SIRPA: variants seen among roughly 807,000 people sequenced by gnomAD.
The protein encoded by SIRPA is tyrosine-protein phosphatase non-receptor type substrate 1.
In SIRPA, 9 loss-of-function variants were observed where a neutral mutation model predicts 50.3. The observed-to-expected ratio is 0.18, with a 90% CI of 0.11 to 0.31. The LOEUF (loss-of-function observed/expected upper bound fraction) is 0.31. Ranked by LOEUF, SIRPA falls within the 10% of genes least tolerant of loss-of-function variation. The pLI, the probability that SIRPA is intolerant of heterozygous loss-of-function variation, is 1.00. For synonymous variants in SIRPA, 265 were observed against 284.1 expected, an observed-to-expected ratio of 0.93 and a Z score of 0.68; for missense variants, 474 against 661.6, an observed-to-expected ratio of 0.72 and a Z score of 3.11.
At position 1,937,409 on chromosome 20, in the gene SIRPA, G is replaced by A; in HGVS notation, c.1356G>A (p.Glu452=). ...PQAAEPNNHT[E]YASIQTSPQP... ...CTGCGGAGCCCAACAACCACACGGA[G>A]TATGCCAGCATTCAGACCAGCCCGC... Residue 452 remains glutamate, a synonymous_variant, in exon 8 of 8, where the codon GAG becomes GAA. Transcript: ENST00000358771. The surrounding 1 kb of genome is among the most constrained non-coding windows in gnomAD (Gnocchi z 8.3). 6.2e-7 allele frequency: 1 copy of A among 1,614,166 alleles called. No homozygotes were observed. The highest frequency in any genetic ancestry group is 2.2e-5 in the East Asian group (1 of 44,862).
At chr20:1,902,307 CT>C (rs1984266882) in intron 1 of SIRPA, among the ~76,000 whole-genome samples, 1 of 152,054 alleles carries the variant, frequency 6.6e-6, no homozygotes, top group African/African-American at 2.4e-5. Context: ...CAGTATGGCC[CT>C]TCATCCCCAC....
chr20:1,923,216 G>A (rs1985773209), intron 4 of SIRPA, among the ~76,000 whole-genome samples: 1 of 152,216 alleles, frequency 6.6e-6, no homozygotes, highest in Non-Finnish European at 1.5e-5. Context: ...TAATGCTGTC[G>A]CTCCCCTGAG....
intron 1 of SIRPA, among the ~76,000 whole-genome samples, chr20:1,902,194 A>C (rs943206587): frequency 7.9e-5 from 12 of 152,064 alleles, no homozygotes; most frequent in Non-Finnish European, 1.2e-4. Flanking sequence ...AGAATCGGGG[A>C]GTATATAAAG....
At chr20:1,900,796 A>G (rs1302757677) in intron 1 of SIRPA, among the ~76,000 whole-genome samples, 2 of 152,262 alleles carry the variant, frequency 1.3e-5, no homozygotes, top group African/African-American at 2.4e-5. Flanking sequence ...GGAAAACACT[A>G]AAGTAATACT....
rs116205486 is a variant in SIRPA at position 1,898,590 on chromosome 20, A to G, written c.79+3064A>G. ...GAGTCCCAAACTGGGGAACTAACTTATAAGTGATAGAGAGGAGCCAGGATT... is the reference window on the plus strand; with the variant it reads ...GAGTCCCAAACTGGGGAACTAACTTGTAAGTGATAGAGAGGAGCCAGGATT... On this transcript the variant is annotated intron_variant, in intron 1 of 7. Coordinates refer to ENST00000358771, the MANE Select transcript of SIRPA (RefSeq NM_001040023.2). The surrounding 1 kb of genome is among the most constrained non-coding windows in gnomAD (Gnocchi z 4.3). Among the ~76,000 whole-genome samples, 346 of 152,182 alleles carry G rather than the reference A, an allele frequency of 2.3e-3. 1 individual carries two copies. The highest frequency in any genetic ancestry group is 8.0e-3 in the African/African-American group (334 of 41,524).
chr20:1,926,004 CA>C (rs1323380467), intron 5 of SIRPA, among the ~76,000 whole-genome samples: 1 of 152,186 alleles, frequency 6.6e-6, no homozygotes, highest in Non-Finnish European at 1.5e-5. Flanking sequence ...CCACCGCCTC[CA>C]AAGGGACAAG....
rs77644766 is a variant in SIRPA, at chr20:1,911,948, A to G, written c.80-3151A>G. Among the ~76,000 whole-genome samples, 6 of 133,300 alleles carry G rather than the reference A, an allele frequency of 4.5e-5. No individual in the cohort carries two copies. The South Asian group carries it at 1.1e-3, about 25-fold the overall frequency. 87.4% of individuals were successfully genotyped at this position (133,300 alleles called of 152,430 possible). ...CAGAGAAAAAGAAAGCAAGCAAGGA[A>G]AAAAAAAAAAAAACCCCTCTCTACT... On this transcript the variant is annotated intron_variant, in intron 1 of 7. Coordinates refer to ENST00000358771, the MANE Select transcript of SIRPA (RefSeq NM_001040023.2).
At chr20:1,901,894 G>A (rs1319739146) in intron 1 of SIRPA, among the ~76,000 whole-genome samples, 2 of 152,136 alleles carry the variant, frequency 1.3e-5, no homozygotes, top group African/African-American at 2.4e-5. Flanking sequence ...CAGGAGGGAC[G>A]GCTGGAGCAG....
chr20:1,921,761 C>A, intron 3 of SIRPA, 49 bp downstream of exon 3: 1 of 1,609,348 alleles, frequency 6.2e-7, no homozygotes, highest in Non-Finnish European at 8.5e-7. Flanking sequence ...GCCAAGCCCA[C>A]CCCCCACCAC....
In SIRPA at chr20:1,939,929, G is replaced by A. The variant is rs1639926914; in HGVS notation, c.*2361G>A. On this transcript the variant is annotated 3_prime_UTR_variant, in exon 8 of 8. Transcript: ENST00000358771. This position sits in a 1 kb window ranked among gnomAD's most constrained non-coding sequence, Gnocchi z 4.7. ...GTGTTCAGTATTCTTGTCTTTGTGAGTGCGTCCCGGGGCCGCCTCGGGGCC... is the reference window on the plus strand; with the variant it reads ...GTGTTCAGTATTCTTGTCTTTGTGAATGCGTCCCGGGGCCGCCTCGGGGCC... 6.6e-6 allele frequency: 1 copy of A among 152,590 alleles called. No homozygotes were observed. Among genetic ancestry groups the A allele is most frequent in the South Asian group, 2.1e-4 (1 of 4,834 alleles). The allele number at this position is 152,590 out of a possible 1,614,324, so 9.5% of individuals were successfully genotyped here.
At chr20:1,912,164 A>G (rs1984928094) in intron 1 of SIRPA, among the ~76,000 whole-genome samples, 1 of 151,848 alleles carries the variant, frequency 6.6e-6, no homozygotes, top group South Asian at 2.1e-4. Context: ...TCCAGATTTT[A>G]TTGTCGCCTG....
rs543105673 is a variant in SIRPA, at chr20:1,898,863, A to G, written c.79+3337A>G. On this transcript the variant is annotated intron_variant, in intron 1 of 7. Transcript: ENST00000358771. This position sits in a 1 kb window ranked among gnomAD's most constrained non-coding sequence, Gnocchi z 4.3. ...CACCAGTAACAACACATGAGAGGTG[A>G]TGTGGCTCCTGTGAGAGCCCCCCAT... Among the ~76,000 whole-genome samples the G allele has an allele frequency of 9.9e-5, 15 of 152,222 alleles. 1 individual carries two copies. The South Asian group carries it at 2.7e-3, about 27-fold the overall frequency.
Position 1,937,759 on chromosome 20 carries a change from C to A in SIRPA, c.*191C>A. On this transcript the variant is annotated 3_prime_UTR_variant, in exon 8 of 8. Transcript: ENST00000358771. This position sits in a 1 kb window ranked among gnomAD's most constrained non-coding sequence, Gnocchi z 8.3. ...CCAGCACTTCCTGGGCAGCCACGGCCCCCTCCCCCCACATTGCCACATACC... is the reference window on the plus strand; with the variant it reads ...CCAGCACTTCCTGGGCAGCCACGGCACCCTCCCCCCACATTGCCACATACC... 1 of 693,252 alleles carries A rather than the reference C, an allele frequency of 1.4e-6. No individual in the cohort carries two copies. The highest frequency in any genetic ancestry group is 2.3e-6 in the Non-Finnish European group (1 of 426,458). The allele number at this position is 693,252 out of a possible 1,614,324, so 42.9% of individuals were successfully genotyped here.
At chr20:1,915,013 G>C in intron 1 of SIRPA, 86 bp from the exon 2 acceptor site, 1 of 1,094,016 alleles carries the variant, frequency 9.1e-7, no homozygotes, top group Non-Finnish European at 1.3e-6. Context: ...TGTGCATCCA[G>C]TCAATGAACG....
chr20:1,916,975 G>C (rs937586103), intron 2 of SIRPA, among the ~76,000 whole-genome samples: 1 of 152,212 alleles, frequency 6.6e-6, no homozygotes, highest in Non-Finnish European at 1.5e-5. Context: ...TGATTGTGCA[G>C]ATGTTACAGG....
upstream of SIRPA, chr20:1,895,260 G>A: frequency 2.3e-6 from 1 of 438,720 alleles, no homozygotes; most frequent in East Asian, 3.9e-5. Flanking sequence ...CCTGGGGGGC[G>A]GGGAGGGGGG....
At chr20:1,915,477 T>G (rs1985222609) in intron 2 of SIRPA, 22 bp downstream of exon 2, 1 of 1,612,764 alleles carries the variant, frequency 6.2e-7, no homozygotes, top group African/African-American at 1.3e-5. Context: ...GTGGGCCTCC[T>G]TTGCCTCTGG....
At chr20:1,903,487 C>T (rs935183976) in intron 1 of SIRPA, among the ~76,000 whole-genome samples, 11 of 152,206 alleles carry the variant, frequency 7.2e-5, no homozygotes, top group African/African-American at 2.2e-4. Flanking sequence ...TTGCCCCCTT[C>T]GGGCTCTTCA....
At chr20:1,923,669 G>A (rs1218179146) in intron 4 of SIRPA, among the ~76,000 whole-genome samples, 2 of 152,308 alleles carry the variant, frequency 1.3e-5, no homozygotes, top group East Asian at 3.9e-4. Context: ...CATGGGATGT[G>A]TAGGGCATTG....
Sources: gnomAD v4.1 joint callset for allele counts (sites outside exome capture counted in the v4.1 genomes callset) on GRCh38, gnomAD v4.1.1 for gene constraint, Gnocchi (gnomAD v3.1) non-coding constraint, MANE v1.5 for transcripts, NCBI Gene and HGNC (gene_info 2026-07-23, HGNC 2026-07-21) for gene names.